The following LRCH4 variants were observed in gnomAD, a reference collection of about 807,000 sequenced individuals.
The protein encoded by LRCH4 is leucine rich repeats and calponin homology domain containing 4.
LRCH4 carries 56 observed loss-of-function variants against 81.2 expected under a neutral mutation model. That is an observed-to-expected ratio of 0.69 (90% confidence interval 0.56 to 0.86). The LOEUF is 0.86. Among genes scored for constraint, LRCH4 ranks in the 40% least tolerant of loss-of-function variants. The pLI, the probability that LRCH4 is intolerant of heterozygous loss-of-function variation, is 0.00. For missense variants in LRCH4, 895 were observed against 922.8 expected, an observed-to-expected ratio of 0.97 and a Z score of 0.39; for synonymous variants, 442 against 409.7, an observed-to-expected ratio of 1.08 and a Z score of -0.95.
rs754447882 is a variant in LRCH4, at chr7:100,577,600, C to T, written c.1117-42G>A. 2 of 1,608,554 alleles carry T rather than the reference C, an allele frequency of 1.2e-6. No individual in the cohort carries two copies. Among genetic ancestry groups the T allele is most frequent in the African/African-American group, 1.3e-5 (1 of 74,858 alleles). ...AGAGCAGCTGAGGGCAGGCCTGTGC[C>T]CACGCCTGCCCTGTCCCCTCCTCCA... On this transcript the variant is annotated intron_variant, in intron 9 of 17. Transcript: ENST00000310300. The surrounding 1 kb of genome is among the most constrained non-coding windows in gnomAD (Gnocchi z 6.7).
chr7:100,579,316 G>T (rs1801462871), intron 4 of LRCH4: 1 of 156,246 alleles, frequency 6.4e-6, no homozygotes. Flanking sequence ...GCACAGTCTG[G>T]GACCGGCACG....
In LRCH4 at chr7:100,574,774, TG is replaced by T. The variant is rs80089855; in HGVS notation, c.*332del. On this transcript the variant is annotated 3_prime_UTR_variant, in exon 18 of 18. Transcript: ENST00000310300. ...AATTTAGCCCCCCCATAGCAGCTGT[TG>T]GGGGGGGAAGGGGAGGGCACAGGAG... The T allele has an allele frequency of 4.7e-4, 125 of 268,624 alleles. 1 individual carries two copies. The highest frequency in any genetic ancestry group is 9.9e-4 in the East Asian group (14 of 14,164). The allele number at this position is 268,624 out of a possible 1,614,324, so 16.6% of individuals were successfully genotyped here.
intron 14 of LRCH4, 67 bp downstream of exon 14, chr7:100,576,627 A>G: frequency 7.3e-7 from 1 of 1,367,866 alleles, no homozygotes; most frequent in Non-Finnish European, 1.0e-6. Context: ...CTCCCAGGGC[A>G]GAAGGGTGAT....
In LRCH4 at chr7:100,582,079, G is replaced by C. The variant is rs1801577220; in HGVS notation, c.454C>G (p.Pro152Ala). The stretch of plus-strand genomic sequence containing the variant: ...CTTCCCAGGGTGCCGATGTCAGGGG[G>C]CAGGGCTCCCAGCTTGTTGTTGCTG... ...IVSNNKLGAL[P>A]PDIGTLGSLR... is the part of the protein sequence containing the mutation. The change falls in exon 3 of 18, where the codon CCC becomes GCC. Residue 152 changes from proline to alanine, a missense_variant. Around this residue, in one of 3 missense-constraint regions of LRCH4, gnomAD observed 360 missense variants for 397.0 expected, o/e 0.91. Coordinates refer to ENST00000310300, the MANE Select transcript of LRCH4 (RefSeq NM_002319.5). This position sits in a 1 kb window ranked among gnomAD's most constrained non-coding sequence, Gnocchi z 5.0. 1.9e-6 allele frequency: 3 copies of C among 1,611,790 alleles called. No individual in the cohort carries two copies. The highest frequency in any genetic ancestry group is 2.5e-6 in the Non-Finnish European group (3 of 1,179,712).
In LRCH4 at chr7:100,586,084, G is replaced by C. The variant is rs1319571981; in HGVS notation, c.17C>G (p.Ala6Gly). The C allele has an allele frequency of 3.9e-6, 6 of 1,535,668 alleles. No homozygotes were observed. The highest frequency in any genetic ancestry group is 5.3e-6 in the Non-Finnish European group (6 of 1,140,106). Reference protein sequence around the residue: MAAAVAAPLAAGGEEA... With the variant: MAAAVGAPLAAGGEEA... ...CTCACCCCCGGCGGCGAGTGGAGCC[G>C]CTACGGCCGCCGCCATCCGCTCCCG... is the stretch of plus-strand genomic sequence containing the variant. The change falls in exon 1 of 18, where the codon GCG becomes GGG. Residue 6 changes from alanine to glycine, a missense_variant. Physicochemically the swap from Ala to Gly is moderately conservative, Grantham distance 60 (BLOSUM62 0). Transcript: ENST00000310300.
At position 100,575,219 on chromosome 7, in the gene LRCH4, C is replaced by T. The variant is rs1273728792; in HGVS notation, c.1940G>A (p.Gly647Asp). 1 of 1,608,634 alleles carries T rather than the reference C, an allele frequency of 6.2e-7. No individual in the cohort carries two copies. Among genetic ancestry groups the T allele is most frequent in the Non-Finnish European group, 8.5e-7 (1 of 1,177,616 alleles). ...TALEAVKRVG[G>D]KALPPLWPPS... ...GGGCCAGAGGGGCGGTAGGGCCTTG[C>T]CCCCCACCCGCTTCACGGCCTCCAG... The change falls in exon 18 of 18, where the codon GGC becomes GAC. Residue 647 changes from glycine (G) to aspartate (D), a missense_variant. Coordinates refer to ENST00000310300, the MANE Select transcript of LRCH4 (RefSeq NM_002319.5). The surrounding 1 kb of genome is among the most constrained non-coding windows in gnomAD (Gnocchi z 5.3).
rs746418640 is a variant in LRCH4, at chr7:100,586,062, A to C, written c.39T>G (p.Gly13=). The C allele has an allele frequency of 1.4e-5, 22 of 1,553,796 alleles. No homozygotes were observed. Among genetic ancestry groups the C allele is most frequent in the Middle Eastern group, 4.3e-4 (2 of 4,642 alleles). Reference sequence around the variant, plus strand: ...CGGAGGTCGTGGCTGCCGCCTCCTCACCCCCGGCGGCGAGTGGAGCCGCTA... The same window carrying C: ...CGGAGGTCGTGGCTGCCGCCTCCTCCCCCCCGGCGGCGAGTGGAGCCGCTA... ...AAVAAPLAAG[G]EEAAATTSVP... The change falls in exon 1 of 18, where the codon GGT becomes GGG. Residue 13 remains glycine, a synonymous_variant. Coordinates refer to ENST00000310300, the MANE Select transcript of LRCH4 (RefSeq NM_002319.5).
At chr7:100,581,438 G>A (rs972284118) in intron 4 of LRCH4, among the ~76,000 whole-genome samples, 2 of 152,184 alleles carry the variant, frequency 1.3e-5, no homozygotes, top group African/African-American at 4.8e-5. Context: ...AAAGTGATGG[G>A]ATTAGGAAGC....
chr7:100,584,110 G>A, intron 1 of LRCH4: 2 of 456,296 alleles, frequency 4.4e-6, no homozygotes, highest in Non-Finnish European at 8.8e-6. Flanking sequence ...GAAAGAGATG[G>A]GAGACGGGAG....
At chr7:100,585,338 C>T (rs1477191029) in intron 1 of LRCH4, 1 of 159,550 alleles carries the variant, frequency 6.3e-6, no homozygotes, top group Non-Finnish European at 1.4e-5. Context: ...TTCCCATAGG[C>T]TGGAGAGCTG....
rs1801298444 is a variant in LRCH4, at chr7:100,575,002, G to A, written c.*105C>T. On this transcript the variant is annotated 3_prime_UTR_variant, in exon 18 of 18. Transcript: ENST00000310300. This position sits in a 1 kb window ranked among gnomAD's most constrained non-coding sequence, Gnocchi z 5.3. ...CAGTGTCTGTGAAGGGGGTGCACTA[G>A]TGTCTTTGGTTGGGGCTGAAGGCAC... 1 of 1,085,878 alleles carries A rather than the reference G, an allele frequency of 9.2e-7. No homozygotes were observed. Among genetic ancestry groups the A allele is most frequent in the Non-Finnish European group, 1.3e-6 (1 of 759,860 alleles). The allele number at this position is 1,085,878 out of a possible 1,614,324, so 67.3% of individuals were successfully genotyped here.
Position 100,578,511 on chromosome 7 carries a change from C to T in LRCH4, c.736G>A (p.Val246Ile), listed in dbSNP as rs1801440917. Residue 246 changes from valine to isoleucine, a missense_variant and splice_region_variant, in exon 6 of 18, where the codon GTC becomes ATC. Physicochemically the swap from Val to Ile is conservative, Grantham distance 29 (BLOSUM62 3). Coordinates refer to ENST00000310300, the MANE Select transcript of LRCH4 (RefSeq NM_002319.5). This position sits in a 1 kb window ranked among gnomAD's most constrained non-coding sequence, Gnocchi z 5.7. ...ATGTGAAGTTTCCCCTTCAGGCAGACCTGTGTGCGGGGCAGCACACGCCAG... is the reference window on the plus strand; with the variant it reads ...ATGTGAAGTTTCCCCTTCAGGCAGATCTGTGTGCGGGGCAGCACACGCCAG... Reference protein sequence around the residue: ...SNPLQSPPAQVCLKGKLHIFK... With the variant: ...SNPLQSPPAQICLKGKLHIFK... 1.8e-5 allele frequency: 29 copies of T among 1,613,188 alleles called. No homozygotes were observed. The highest frequency in any genetic ancestry group is 2.5e-5 in the Non-Finnish European group (29 of 1,179,448).
chr7:100,579,755 A>C (rs531862164), intron 4 of LRCH4: 1 of 151,980 alleles, frequency 6.6e-6, no homozygotes, highest in Non-Finnish European at 1.5e-5. Flanking sequence ...TCAGCTTCTG[A>C]GCCTTCCCAG....
Position 100,575,101 on chromosome 7 carries a change from T to G in LRCH4, c.*6A>C. 1 of 1,602,550 alleles carries G rather than the reference T, an allele frequency of 6.2e-7. No individual in the cohort carries two copies. ...GAAAGGGGTGAGGGAGGGCCGATTTTGGGGCCTAGGAACCCAGGAGCCGAG... is the reference window on the plus strand; with the variant it reads ...GAAAGGGGTGAGGGAGGGCCGATTTGGGGGCCTAGGAACCCAGGAGCCGAG... On this transcript the variant is annotated 3_prime_UTR_variant, in exon 18 of 18. Transcript: ENST00000310300. The surrounding 1 kb of genome is among the most constrained non-coding windows in gnomAD (Gnocchi z 5.3).
rs778448822 is a variant in LRCH4 at position 100,577,704 on chromosome 7, C to T, written c.1076G>A (p.Ser359Asn). 1 of 1,614,064 alleles carries T rather than the reference C, an allele frequency of 6.2e-7. No homozygotes were observed. The highest frequency in any genetic ancestry group is 8.5e-7 in the Non-Finnish European group (1 of 1,180,024). ...CTCTTCATCCTCCCCGGGGACATGGCTGTCGATGAAGTCAATCTGCACAGG... is the reference window on the plus strand; with the variant it reads ...CTCTTCATCCTCCCCGGGGACATGGTTGTCGATGAAGTCAATCTGCACAGG... ...GDPVQIDFID[S>N]HVPGEDEERG... The change falls in exon 9 of 18, where the codon AGC (serine) becomes AAC (asparagine). Residue 359 changes from serine to asparagine, a missense_variant. By Grantham distance (46) the Ser-to-Asn change is conservative. This residue lies in a region of LRCH4 where 529 missense variants were observed against 504.9 expected (regional missense o/e 1.05). Coordinates refer to ENST00000310300, the MANE Select transcript of LRCH4 (RefSeq NM_002319.5). This position sits in a 1 kb window ranked among gnomAD's most constrained non-coding sequence, Gnocchi z 6.7.
chr7:100,584,027 C>CT, intron 1 of LRCH4: 1 of 390,148 alleles, frequency 2.6e-6, no homozygotes, highest in East Asian at 7.3e-5. Context: ...ATTCTTCCTA[C>CT]TATCACCCCA....
Position 100,575,301 on chromosome 7 carries a change from C to T in LRCH4, c.1858G>A (p.Asp620Asn). The T allele has an allele frequency of 1.9e-6, 3 of 1,545,986 alleles. No individual in the cohort carries two copies. Among genetic ancestry groups the T allele is most frequent in the Non-Finnish European group, 2.6e-6 (3 of 1,142,246 alleles). Residue 620 changes from aspartate (D) to asparagine (N), a missense_variant, in exon 18 of 18, where the codon GAC becomes AAC. Asp to Asn is a conservative substitution (Grantham distance 23). Coordinates refer to ENST00000310300, the MANE Select transcript of LRCH4 (RefSeq NM_002319.5). This position sits in a 1 kb window ranked among gnomAD's most constrained non-coding sequence, Gnocchi z 5.3. ...ACRKMGVPEA[D>N]LCSPSDLLQG... is the part of the protein sequence containing the mutation. ...AGGAGATCCGAGGGCGAGCACAGGT[C>T]AGCCTGGGGGAGAGGAGAGCAGGTG...
rs1477464203 is a variant in LRCH4, at chr7:100,578,620, T to C, written c.735+30A>G. ...CCACTCCTGCCTAGCCACACCCCTG[T>C]CCTCGTGGCCCCCCAGGCACCCGCC... On this transcript the variant is annotated intron_variant, in intron 5 of 17. Transcript: ENST00000310300. This position sits in a 1 kb window ranked among gnomAD's most constrained non-coding sequence, Gnocchi z 5.7. 4.3e-6 allele frequency: 7 copies of C among 1,609,358 alleles called. No individual in the cohort carries two copies. Among genetic ancestry groups the C allele is most frequent in the African/African-American group, 4.0e-5 (3 of 74,872 alleles).
rs1801555482 is a variant in LRCH4, at chr7:100,581,525, C to A, written c.598+252G>T. 1.9e-5 allele frequency: 8 copies of A among 427,504 alleles called. No homozygotes were observed. The South Asian group carries it at 2.3e-4, about 13-fold the overall frequency. 26.5% of individuals were successfully genotyped at this position (427,504 alleles called of 1,614,324 possible). ...GATTTGTGCTCCTTTATCAAAGAGG[C>A]CCCAGAGGGCTGTCTCTGCTCTCCG... On this transcript the variant is annotated intron_variant, in intron 4 of 17. Coordinates refer to ENST00000310300, the MANE Select transcript of LRCH4 (RefSeq NM_002319.5).
Sources: allele counts gnomAD v4.1 joint callset (sites outside exome capture counted in the v4.1 genomes callset), GRCh38; gene constraint gnomAD v4.1.1; regional missense constraint gnomAD v4.1.1; non-coding constraint Gnocchi (gnomAD v3.1); transcripts MANE v1.5; gene names NCBI Gene and HGNC (gene_info 2026-07-23, HGNC 2026-07-21).